The following SLC13A3 variants were observed in gnomAD, a reference collection of about 807,000 sequenced individuals.
SLC13A3 encodes the protein solute carrier family 13 member 3.
Under a neutral mutation model 59.0 loss-of-function variants are expected in SLC13A3, and 40 were observed. The observed-to-expected ratio is 0.68, with a 90% CI of 0.53 to 0.88. The LOEUF is 0.88. Ranked by LOEUF, SLC13A3 falls within the 40% of genes least tolerant of loss-of-function variation. The pLI is 0.00. For synonymous variants in SLC13A3, 317 were observed against 330.3 expected (o/e 0.96, Z 0.44); for missense variants, 699 against 783.2 (o/e 0.89, Z 1.28).
At chr20:46,615,589 C>T (rs1404002197) in intron 1 of SLC13A3, among the ~76,000 whole-genome samples, 1 of 152,136 alleles carries the variant, frequency 6.6e-6, no homozygotes, top group Non-Finnish European at 1.5e-5. Context: ...GCTGATAGAT[C>T]TGTTGTGATA....
intron 1 of SLC13A3, among the ~76,000 whole-genome samples, chr20:46,622,444 C>A (rs1422479536): frequency 6.6e-6 from 1 of 152,152 alleles, no homozygotes; most frequent in African/African-American, 2.4e-5. Flanking sequence ...TAAACTAAAT[C>A]TCAGACAATA....
At chr20:46,680,768 C>T (rs924461849) in intron 1 of SLC13A3, among the ~76,000 whole-genome samples, 17 of 152,194 alleles carry the variant, frequency 1.1e-4, no homozygotes, top group African/African-American at 4.1e-4. Flanking sequence ...TCTGCCCTCT[C>T]CTGTGTCCTC....
intron 6 of SLC13A3, 128 bp downstream of exon 6, chr20:46,592,276 C>T (rs894952356): frequency 1.8e-5 from 21 of 1,177,210 alleles, no homozygotes; most frequent in Non-Finnish European, 2.2e-5. Flanking sequence ...TACATACATA[C>T]ATAAAAGAAA....
At chr20:46,609,007 G>C in intron 3 of SLC13A3, 1 of 1,550,610 alleles carries the variant, frequency 6.4e-7, no homozygotes, top group South Asian at 1.2e-5. Context: ...ATCACAAGGG[G>C]AGCTTGAAGT....
chr20:46,627,523 G>T (rs2062686609), intron 1 of SLC13A3, among the ~76,000 whole-genome samples: 1 of 152,054 alleles, frequency 6.6e-6, no homozygotes, highest in Non-Finnish European at 1.5e-5. Flanking sequence ...TGGGTCCCGT[G>T]ATGCCAGCTC....
At chr20:46,675,740 C>T (rs2063121167) in intron 1 of SLC13A3, among the ~76,000 whole-genome samples, 1 of 151,950 alleles carries the variant, frequency 6.6e-6, no homozygotes, top group Non-Finnish European at 1.5e-5. Flanking sequence ...CACCACCTTG[C>T]CTGGCAGATC....
chr20:46,571,156 G>A (rs562637408), intron 10 of SLC13A3, among the ~76,000 whole-genome samples: 1 of 152,234 alleles, frequency 6.6e-6, no homozygotes, highest in East Asian at 1.9e-4. Flanking sequence ...ACAGCATAAG[G>A]GTAACCGCCC....
At position 46,591,376 on chromosome 20, in the gene SLC13A3, C is replaced by A. The variant is rs868107213; in HGVS notation, c.920+1028G>T. On this transcript the variant is annotated intron_variant, in intron 6 of 12. Transcript: ENST00000279027. Reference sequence around the variant, plus strand: ...TGGGAAGAGGGGTTCTCACTGCATACCTCTTAGCGCTGTTTTGATTTTTGA... The same window carrying A: ...TGGGAAGAGGGGTTCTCACTGCATAACTCTTAGCGCTGTTTTGATTTTTGA... Among the ~76,000 whole-genome samples, 6 of 152,074 alleles carry A rather than the reference C, an allele frequency of 3.9e-5. 1 individual carries two copies. In the South Asian group the frequency reaches 1.2e-3, roughly 32 times the overall value.
intron 1 of SLC13A3, among the ~76,000 whole-genome samples, chr20:46,664,221 C>T (rs1685855125): frequency 6.6e-6 from 1 of 152,094 alleles, no homozygotes; most frequent in South Asian, 2.1e-4. Flanking sequence ...AACCACTGTC[C>T]CTAAAAATCT....
chr20:46,684,103 G>C (rs1282465613), intron 1 of SLC13A3, among the ~76,000 whole-genome samples: 2 of 152,112 alleles, frequency 1.3e-5, no homozygotes, highest in Admixed American at 6.5e-5. Flanking sequence ...CACTAATGCC[G>C]GCCACACCAG....
intron 8 of SLC13A3, chr20:46,584,170 A>G: frequency 3.0e-6 from 3 of 985,338 alleles, no homozygotes; most frequent in Non-Finnish European, 3.6e-6. Flanking sequence ...AGCATCCACA[A>G]TGTGTCCTTT....
At chr20:46,647,899 C>T (rs2062910684) in intron 1 of SLC13A3, among the ~76,000 whole-genome samples, 1 of 152,230 alleles carries the variant, frequency 6.6e-6, no homozygotes, top group Admixed American at 6.5e-5. Context: ...TCTCCAACTT[C>T]TTTCCTGATG....
intron 10 of SLC13A3, among the ~76,000 whole-genome samples, chr20:46,570,479 C>A (rs2062020449): frequency 6.6e-6 from 1 of 152,174 alleles, no homozygotes. Flanking sequence ...GCCCAGCCTA[C>A]CTTAAATGCG....
intron 1 of SLC13A3, among the ~76,000 whole-genome samples, chr20:46,628,533 C>G (rs1344458975): frequency 6.6e-6 from 1 of 152,092 alleles, no homozygotes; most frequent in East Asian, 1.9e-4. Context: ...TCCTAATGAT[C>G]AAGGCTGACC....
At chr20:46,677,145 C>T (rs1013912131) in intron 1 of SLC13A3, among the ~76,000 whole-genome samples, 2 of 152,204 alleles carry the variant, frequency 1.3e-5, no homozygotes, top group African/African-American at 4.8e-5. Context: ...AACTCCTGAC[C>T]TCAGGTGATC....
chr20:46,582,435 A>ATTTT (rs3092446), intron 9 of SLC13A3, among the ~76,000 whole-genome samples: 1 of 131,022 alleles, frequency 7.6e-6, no homozygotes. Flanking sequence ...GCCTGCTACA[A>ATTTT]TTTTTTTTTT....
chr20:46,565,974 T>G (rs2061976534), intron 11 of SLC13A3, among the ~76,000 whole-genome samples: 1 of 152,214 alleles, frequency 6.6e-6, no homozygotes, highest in South Asian at 2.1e-4. Context: ...TCTAGAAAAC[T>G]CTCCATGTCA....
At chr20:46,636,954 C>T (rs2062801476) in intron 1 of SLC13A3, among the ~76,000 whole-genome samples, 1 of 152,122 alleles carries the variant, frequency 6.6e-6, no homozygotes. Flanking sequence ...GCGCCCACCA[C>T]CACGCCTGGC....
At chr20:46,663,377 G>A (rs550950837) in intron 1 of SLC13A3, among the ~76,000 whole-genome samples, 46 of 151,598 alleles carry the variant, frequency 3.0e-4, no homozygotes, top group South Asian at 6.2e-4. Context: ...CCCAGGAGGC[G>A]AAGGGTACAA....
Sources: gnomAD v4.1 joint callset for allele counts (sites outside exome capture counted in the v4.1 genomes callset) on GRCh38, gnomAD v4.1.1 for gene constraint, MANE v1.5 for transcripts, NCBI Gene and HGNC (gene_info 2026-07-23, HGNC 2026-07-21) for gene names.